DPYSL2: variants seen among roughly 807,000 people sequenced by gnomAD.
DPYSL2 encodes dihydropyrimidinase like 2.
A neutral mutation model predicts 69.9 loss-of-function variants in DPYSL2; 13 were observed. The observed-to-expected ratio is 0.19, with a 90% CI of 0.12 to 0.30. The LOEUF (loss-of-function observed/expected upper bound fraction) is 0.30. DPYSL2 is among the 10% of genes least tolerant of loss of function. The pLI is 1.00. For synonymous variants in DPYSL2, 326 were observed against 359.1 expected (o/e 0.91, Z 1.04); for missense variants, 587 against 918.9 (o/e 0.64, Z 4.67).
At chr8:26,553,075 GA>G (rs1800894578) in intron 1 of DPYSL2, among the ~76,000 whole-genome samples, 1 of 152,116 alleles carries the variant, frequency 6.6e-6, no homozygotes, top group Non-Finnish European at 1.5e-5. Flanking sequence ...CCAATTCTTT[GA>G]AATTCACAAT....
intron 11 of DPYSL2, among the ~76,000 whole-genome samples, chr8:26,651,918 G>A (rs879894152): frequency 2.6e-5 from 4 of 152,240 alleles, no homozygotes; most frequent in Non-Finnish European, 5.9e-5. Context: ...GAATTCAACC[G>A]GAATGGAGCT....
chr8:26,525,023 C>G (rs749396770), intron 1 of DPYSL2, among the ~76,000 whole-genome samples: 33 of 151,964 alleles, frequency 2.2e-4, no homozygotes, highest in South Asian at 1.2e-3. Context: ...ATGTCATCTG[C>G]TACATATTTT....
chr8:26,540,148 T>C (rs1585496934), intron 1 of DPYSL2, among the ~76,000 whole-genome samples: 1 of 152,008 alleles, frequency 6.6e-6, no homozygotes, highest in African/African-American at 2.4e-5. Flanking sequence ...ACAAACATAA[T>C]GGGAAGTTCA....
intron 1 of DPYSL2, among the ~76,000 whole-genome samples, chr8:26,519,093 T>A (rs1033940023): frequency 2.6e-5 from 4 of 152,236 alleles, no homozygotes; most frequent in Admixed American, 2.6e-4. Context: ...GCATATGCAA[T>A]GTTATGTGGT....
At chr8:26,567,155 C>CCCAT (rs147501253) in intron 1 of DPYSL2, among the ~76,000 whole-genome samples, 2,523 of 147,928 alleles carry the variant, frequency 0.017, 30 homozygotes, top group South Asian at 0.052. Flanking sequence ...CATACATCTG[C>CCCAT]CCATCCATCC....
At chr8:26,557,623 CAAAAA>C (rs56215906) in intron 1 of DPYSL2, among the ~76,000 whole-genome samples, 1 of 74,320 alleles carries the variant, frequency 1.3e-5, no homozygotes, top group African/African-American at 5.6e-5. Flanking sequence ...ACTAAAAATA[CAAAAA>C]AAAAAAAAAA....
In DPYSL2 at chr8:26,517,872, C is replaced by G. The variant is rs907849830; in HGVS notation, c.354+3193C>G. Among the ~76,000 whole-genome samples, 5 of 152,184 alleles carry G rather than the reference C, an allele frequency of 3.3e-5. No individual in the cohort carries two copies. Among genetic ancestry groups the G allele is most frequent in the African/African-American group, 1.2e-4 (5 of 41,450 alleles). The stretch of plus-strand genomic sequence containing the variant: ...TGGTGCTCCCTTCCATCTGGGTCCC[C>G]ATCCCTTCTGCCTGTGTTGAATCTC... On this transcript the variant is annotated intron_variant, in intron 1 of 13. Coordinates refer to ENST00000521913, the MANE Select transcript of DPYSL2 (RefSeq NM_001197293.3). This position sits in a 1 kb window ranked among gnomAD's most constrained non-coding sequence, Gnocchi z 4.2.
rs776457925 is a variant in DPYSL2, at chr8:26,653,358, C to G, written c.1903C>G (p.Pro635Ala). Residue 635 changes from proline to alanine, a missense_variant, in exon 13 of 14, where the codon CCT becomes GCT. By Grantham distance (27) the Pro-to-Ala change is conservative. Around this residue, in one of 3 missense-constraint regions of DPYSL2, gnomAD observed 452 missense variants for 754.3 expected, o/e 0.60. Transcript: ENST00000521913. The surrounding 1 kb of genome is among the most constrained non-coding windows in gnomAD (Gnocchi z 5.7). Reference sequence around the variant, plus strand: ...GTCTCCTGCCAAGCAGCAGGCCCCACCTGTCCGGAACCTGCACCAGTCTGG... The same window carrying G: ...GTCTCCTGCCAAGCAGCAGGCCCCAGCTGTCCGGAACCTGCACCAGTCTGG... ...KTSPAKQQAPPVRNLHQSGFS... is the reference protein window; with the variant it reads ...KTSPAKQQAPAVRNLHQSGFS... 4.3e-6 allele frequency: 7 copies of G among 1,614,100 alleles called. No homozygotes were observed. In the East Asian group the frequency reaches 1.6e-4, roughly 36 times the overall value.
intron 3 of DPYSL2, among the ~76,000 whole-genome samples, chr8:26,600,549 G>T (rs73678819): frequency 0.026 from 4,014 of 152,224 alleles, 165 homozygotes; most frequent in African/African-American, 0.09. Flanking sequence ...TTTGAGGCCC[G>T]TGTACTCATT....
intron 1 of DPYSL2, among the ~76,000 whole-genome samples, chr8:26,539,291 A>T (rs1164939059): frequency 2.0e-5 from 3 of 152,196 alleles, no homozygotes; most frequent in Admixed American, 6.5e-5. Context: ...CCCCCTGCCC[A>T]GCACCACCCA....
chr8:26,613,851 G>T (rs1433398188), intron 3 of DPYSL2, among the ~76,000 whole-genome samples: 3 of 152,196 alleles, frequency 2.0e-5, no homozygotes, highest in African/African-American at 7.2e-5. Context: ...ATGAGGGCGG[G>T]TGGGGCATGG....
rs1346357862 is a variant in DPYSL2 at position 26,610,108 on chromosome 8, C to T, written c.629-14035C>T. ...AAGAAGAGTTTCAGTTTTTCAAAGC[C>T]TGCTGGAGATGTAACTGTCGTGATG... On this transcript the variant is annotated intron_variant, in intron 3 of 13. Coordinates refer to ENST00000521913, the MANE Select transcript of DPYSL2 (RefSeq NM_001197293.3). The surrounding 1 kb of genome is among the most constrained non-coding windows in gnomAD (Gnocchi z 4.5). 6.6e-6 allele frequency among the ~76,000 whole-genome samples: 1 copy of T among 152,206 alleles called. No homozygotes were observed. The highest frequency in any genetic ancestry group is 2.4e-5 in the African/African-American group (1 of 41,462).
In DPYSL2 at chr8:26,652,278, G is replaced by C; in HGVS notation, c.1618G>C (p.Glu540Gln). The C allele has an allele frequency of 6.2e-7, 1 of 1,613,788 alleles. No individual in the cohort carries two copies. Among genetic ancestry groups the C allele is most frequent in the African/African-American group, 1.3e-5 (1 of 74,990 alleles). Residue 540 changes from glutamate to glutamine, a missense_variant, in exon 12 of 14, where the codon GAA becomes CAA. By Grantham distance (29) the Glu-to-Gln change is conservative (BLOSUM62 2). Coordinates refer to ENST00000521913, the MANE Select transcript of DPYSL2 (RefSeq NM_001197293.3). This position sits in a 1 kb window ranked among gnomAD's most constrained non-coding sequence, Gnocchi z 6.3. ...HNSSLEYNIF[E>Q]GMECRGSPLV... The stretch of plus-strand genomic sequence containing the variant: ...TCAGTCTCTCGAGTACAACATCTTT[G>C]AAGGCATGGAGTGCCGCGGCTCCCC...
At position 26,587,592 on chromosome 8, in the gene DPYSL2, A is replaced by G. The variant is rs575625853; in HGVS notation, c.628+3609A>G. 2.0e-5 allele frequency among the ~76,000 whole-genome samples: 3 copies of G among 152,314 alleles called. No individual in the cohort carries two copies. The highest frequency in any genetic ancestry group is 7.2e-5 in the African/African-American group (3 of 41,572). ...AGATGGCATGTCAGCAGCAGAAGAT[A>G]ATATTATTGCCATTAAACAGAGCCT... On this transcript the variant is annotated intron_variant, in intron 3 of 13. Transcript: ENST00000521913. This position sits in a 1 kb window ranked among gnomAD's most constrained non-coding sequence, Gnocchi z 4.2.
In DPYSL2 at chr8:26,588,081, C is replaced by G. The variant is rs888830325; in HGVS notation, c.628+4098C>G. ...TTTTGACAAAGGTGGACTGTGGTGG[C>G]ATCACAACAGCATCTGCCCAGTAGT... is the stretch of plus-strand genomic sequence containing the variant. On this transcript the variant is annotated intron_variant, in intron 3 of 13. Coordinates refer to ENST00000521913, the MANE Select transcript of DPYSL2 (RefSeq NM_001197293.3). This position sits in a 1 kb window ranked among gnomAD's most constrained non-coding sequence, Gnocchi z 5.4. Among the ~76,000 whole-genome samples, 6 of 152,206 alleles carry G rather than the reference C, an allele frequency of 3.9e-5. No individual in the cohort carries two copies. Among genetic ancestry groups the G allele is most frequent in the African/African-American group, 1.4e-4 (6 of 41,464 alleles).
chr8:26,594,095 T>G (rs1352054971), intron 3 of DPYSL2, among the ~76,000 whole-genome samples: 1 of 152,184 alleles, frequency 6.6e-6, no homozygotes, highest in Non-Finnish European at 1.5e-5. Context: ...CAGATCTAAG[T>G]TTAACTTCCC....
rs1803221541 is a variant in DPYSL2 at position 26,648,663 on chromosome 8, C to T, written c.1596+863C>T. 6.6e-6 allele frequency among the ~76,000 whole-genome samples: 1 copy of T among 152,234 alleles called. No homozygotes were observed. Among genetic ancestry groups the T allele is most frequent in the Non-Finnish European group, 1.5e-5 (1 of 68,050 alleles). ...TTTCGTGTCAGGAACTCATTTGAAT[C>T]TTGAAGACAGCTCAGGCCAGCAAGC... On this transcript the variant is annotated intron_variant, in intron 11 of 13. Coordinates refer to ENST00000521913, the MANE Select transcript of DPYSL2 (RefSeq NM_001197293.3). The surrounding 1 kb of genome is among the most constrained non-coding windows in gnomAD (Gnocchi z 4.3).
intron 1 of DPYSL2, among the ~76,000 whole-genome samples, chr8:26,534,214 T>C (rs1291037907): frequency 2.6e-5 from 4 of 152,238 alleles, no homozygotes; most frequent in Non-Finnish European, 4.4e-5. Flanking sequence ...TGAGTCTTGT[T>C]CTGTCACTCA....
chr8:26,651,125 G>A (rs929306614), intron 11 of DPYSL2, among the ~76,000 whole-genome samples: 2 of 152,252 alleles, frequency 1.3e-5, no homozygotes, highest in South Asian at 2.1e-4. Flanking sequence ...CCCTGCTGGC[G>A]CCTCTCTGCT....
Sources: gnomAD v4.1 joint callset for allele counts (sites outside exome capture counted in the v4.1 genomes callset) on GRCh38, gnomAD v4.1.1 for gene constraint, gnomAD v4.1.1 regional missense constraint, Gnocchi (gnomAD v3.1) non-coding constraint, MANE v1.5 for transcripts, NCBI Gene and HGNC (gene_info 2026-07-23, HGNC 2026-07-21) for gene names.